Variants in AK5 observed in about 807,000 individuals in gnomAD.
The protein encoded by AK5 is adenylate kinase isoenzyme 5.
In AK5, 27 loss-of-function variants were observed where a neutral mutation model predicts 69.5. The ratio of observed to expected loss-of-function variants is 0.39; its 90% CI spans 0.29 to 0.54. AK5 has a LOEUF of 0.54. Ranked by LOEUF, AK5 falls within the 20% of genes least tolerant of loss-of-function variation. The pLI is 0.71. For synonymous variants in AK5, 260 were observed against 244.4 expected (o/e 1.06, Z -0.60); for missense variants, 531 against 700.4 (o/e 0.76, Z 2.73).
At chr1:77,554,636 C>T (rs759924009) in intron 13 of AK5, among the ~76,000 whole-genome samples, 2 of 152,128 alleles carry the variant, frequency 1.3e-5, no homozygotes, top group African/African-American at 2.4e-5. Context: ...GACGGAGTCT[C>T]ACTCTGTTGC....
chr1:77,379,713 A>C (rs747260770), intron 6 of AK5, among the ~76,000 whole-genome samples: 2 of 152,256 alleles, frequency 1.3e-5, no homozygotes, highest in Non-Finnish European at 2.9e-5. Flanking sequence ...TTTGAAAGTA[A>C]AATAAATGTA....
chr1:77,368,703 C>A (rs558618355), intron 6 of AK5, among the ~76,000 whole-genome samples: 1 of 152,090 alleles, frequency 6.6e-6, no homozygotes, highest in African/African-American at 2.4e-5. Flanking sequence ...ACGGGTTGAG[C>A]CTTCCTAATC....
chr1:77,437,863 A>G (rs1452448093), intron 8 of AK5, among the ~76,000 whole-genome samples: 2 of 152,066 alleles, frequency 1.3e-5, no homozygotes, highest in African/African-American at 2.4e-5. Context: ...GATACCTTCT[A>G]TTATTCCCCT....
At chr1:77,379,292 A>T (rs1016864315) in intron 6 of AK5, among the ~76,000 whole-genome samples, 1 of 152,190 alleles carries the variant, frequency 6.6e-6, no homozygotes, top group South Asian at 2.1e-4. Flanking sequence ...AGACTTGCCT[A>T]CTGTGGTTCA....
At chr1:77,320,129 G>C (rs1660449894) in intron 5 of AK5, among the ~76,000 whole-genome samples, 1 of 152,178 alleles carries the variant, frequency 6.6e-6, no homozygotes. Context: ...GCGGCAGGAA[G>C]AAGTGCTGAG....
chr1:77,425,769 T>C (rs931261193), intron 8 of AK5, among the ~76,000 whole-genome samples: 10 of 152,208 alleles, frequency 6.6e-5, no homozygotes, highest in African/African-American at 2.4e-4. Context: ...TATATACTTA[T>C]GATTCTGTAT....
intron 8 of AK5, among the ~76,000 whole-genome samples, chr1:77,424,108 A>T (rs768523340): frequency 3.9e-5 from 6 of 152,198 alleles, no homozygotes; most frequent in Non-Finnish European, 8.8e-5. Context: ...ATTACTAAAG[A>T]TTATTTACTG....
At chr1:77,525,978 G>GA (rs895486461) in intron 12 of AK5, among the ~76,000 whole-genome samples, 13 of 150,822 alleles carry the variant, frequency 8.6e-5, no homozygotes, top group African/African-American at 2.2e-4. Flanking sequence ...TCTATTCCTG[G>GA]AAAAAAAAAT....
At chr1:77,555,005 T>C (rs1428793659) in intron 13 of AK5, among the ~76,000 whole-genome samples, 5 of 152,066 alleles carry the variant, frequency 3.3e-5, no homozygotes, top group Non-Finnish European at 7.4e-5. Context: ...TAAAAACTCT[T>C]ACATGGGCTG....
intron 7 of AK5, 148 bp downstream of exon 7, chr1:77,411,219 TA>T: frequency 1.5e-6 from 1 of 660,502 alleles, no homozygotes; most frequent in Admixed American, 3.1e-5. Flanking sequence ...AATAAAAGTA[TA>T]AAACAAAGTA....
chr1:77,525,907 T>C (rs950587896), intron 12 of AK5, among the ~76,000 whole-genome samples: 1 of 152,170 alleles, frequency 6.6e-6, no homozygotes, highest in Non-Finnish European at 1.5e-5. Flanking sequence ...GTTGTTCTTT[T>C]TGGTGATTGT....
chr1:77,449,751 A>T (rs1422227276), intron 8 of AK5, among the ~76,000 whole-genome samples: 1 of 152,112 alleles, frequency 6.6e-6, no homozygotes, highest in Non-Finnish European at 1.5e-5. Flanking sequence ...GTGGGAGGTA[A>T]TTGAGTCATG....
intron 12 of AK5, among the ~76,000 whole-genome samples, chr1:77,527,347 G>A (rs546702836): frequency 1.6e-4 from 24 of 152,230 alleles, no homozygotes; most frequent in South Asian, 4.2e-4. Flanking sequence ...GTCCTCTGGC[G>A]TAAGTATGAA....
chr1:77,285,251 G>A (rs1441098246), intron 1 of AK5, among the ~76,000 whole-genome samples: 1 of 152,152 alleles, frequency 6.6e-6, no homozygotes, highest in Admixed American at 6.5e-5. Flanking sequence ...GCTAATACTG[G>A]CTTGGCGTAT....
chr1:77,536,088 T>C, intron 13 of AK5, 50 bp downstream of exon 13: 1 of 1,536,244 alleles, frequency 6.5e-7, no homozygotes, highest in Middle Eastern at 1.8e-4. Flanking sequence ...CCTTTTTTTT[T>C]TTTTTCCAAG....
At chr1:77,470,831 A>G (rs1340616487) in intron 8 of AK5, among the ~76,000 whole-genome samples, 8 of 1,006 alleles carry the variant, frequency 8.0e-3, no homozygotes, top group African/African-American at 0.016. Flanking sequence ...TTTAGAATAT[A>G]TATATATATA....
chr1:77,316,859 A>G (rs1660270038), intron 5 of AK5, among the ~76,000 whole-genome samples: 1 of 152,208 alleles, frequency 6.6e-6, no homozygotes, highest in South Asian at 2.1e-4. Flanking sequence ...GATATTTATA[A>G]TTGCCTTATG....
At chr1:77,515,277 C>G (rs1657571329) in intron 10 of AK5, among the ~76,000 whole-genome samples, 1 of 152,138 alleles carries the variant, frequency 6.6e-6, no homozygotes, top group Non-Finnish European at 1.5e-5. Flanking sequence ...CCTGGATTTT[C>G]TGGCAAGGCA....
chr1:77,336,624 GT>G (rs777587471), intron 5 of AK5, among the ~76,000 whole-genome samples: 28 of 151,868 alleles, frequency 1.8e-4, no homozygotes, highest in African/African-American at 5.8e-4. Flanking sequence ...ATATTCTGTG[GT>G]TTTTTTTGTG....
Sources: gnomAD v4.1 joint callset for allele counts (sites outside exome capture counted in the v4.1 genomes callset) on GRCh38, gnomAD v4.1.1 for gene constraint, MANE v1.5 for transcripts, NCBI Gene and HGNC (gene_info 2026-07-23, HGNC 2026-07-21) for gene names.